RYR2: variants seen among roughly 807,000 people sequenced by gnomAD.
The protein encoded by RYR2 is ryanodine receptor 2.
In RYR2, 227 loss-of-function variants were observed where a neutral mutation model predicts 601.1. The observed-to-expected ratio is 0.38, with a 90% CI of 0.34 to 0.42. RYR2 has a LOEUF of 0.42. Among genes scored for constraint, RYR2 ranks in the 10% least tolerant of loss-of-function variants. RYR2 has a pLI of 1.00. For missense variants in RYR2, 4,646 were observed against 6,156.5 expected, an observed-to-expected ratio of 0.75 and a Z score of 8.21; for synonymous variants, 2,223 against 2,175.1, an observed-to-expected ratio of 1.02 and a Z score of -0.61.
At chr1:237,781,052 A>ACTT (rs1283741131) in intron 88 of RYR2, among the ~76,000 whole-genome samples, 1 of 151,326 alleles carries the variant, frequency 6.6e-6, no homozygotes, top group Non-Finnish European at 1.5e-5. Flanking sequence ...CGGTACAAAT[A>ACTT]CTTTTTTTTT....
chr1:237,734,576 T>A (rs1008014988), intron 79 of RYR2, among the ~76,000 whole-genome samples: 1 of 152,336 alleles, frequency 6.6e-6, no homozygotes, highest in South Asian at 2.1e-4. Flanking sequence ...TGTTGAACCA[T>A]GAGTTGGCCA....
At chr1:237,627,502 C>A (rs536434276) in intron 40 of RYR2, among the ~76,000 whole-genome samples, 2 of 152,206 alleles carry the variant, frequency 1.3e-5, no homozygotes, top group Admixed American at 1.3e-4. Flanking sequence ...AATTGCCATA[C>A]CTTCAATTAC....
rs1209284523 is a variant in RYR2 at position 237,705,254 on chromosome 1, G to A, written c.9491G>A (p.Gly3164Asp). ...ALGECLAAFA[G>D]AFPVAFLETH... ...GGAGAATGTCTAGCTGCCTTTGCTGGTGCTTTTCCTGTAGCATTTTTGGAA... is the reference window on the plus strand; with the variant it reads ...GGAGAATGTCTAGCTGCCTTTGCTGATGCTTTTCCTGTAGCATTTTTGGAA... Residue 3164 changes from glycine (G) to aspartate (D), a missense_variant, in exon 67 of 105, where the codon GGT becomes GAT. Gly to Asp is a moderately conservative substitution (Grantham distance 94, BLOSUM62 -1). This residue lies in a region of RYR2 where 1,497 missense variants were observed against 1,842.6 expected (regional missense o/e 0.81). Transcript: ENST00000366574. 3.7e-6 allele frequency: 6 copies of A among 1,607,178 alleles called. No individual in the cohort carries two copies. Among genetic ancestry groups the A allele is most frequent in the East Asian group, 2.2e-5 (1 of 44,814 alleles).
In RYR2 at chr1:237,833,704, T is replaced by TTTTG. The variant is rs1276669215; in HGVS notation, c.*1060_*1063dup. On this transcript the variant is annotated 3_prime_UTR_variant, in exon 105 of 105. Transcript: ENST00000366574. ...CATTCTTTCAGCCACCTGTGATCAG[T>TTTTG]TTTGTTGATTAAGGACTTCTTGTCA... 5 of 152,676 alleles carry TTTTG rather than the reference T, an allele frequency of 3.3e-5. No individual in the cohort carries two copies. Among genetic ancestry groups the TTTTG allele is most frequent in the South Asian group, 4.1e-4 (2 of 4,824 alleles). The allele number at this position is 152,676 out of a possible 1,614,324, so 9.5% of individuals were successfully genotyped here. A position where few individuals can be genotyped will look rare whatever the true frequency, so the allele number is the denominator to read the frequency against.
chr1:237,165,862 C>T lies in RYR2; in HGVS notation c.49-104635C>T, dbSNP rs115109796. ...AGAAAGTAAAAAAAAATTAGCCAGGCCTGGTGGCTCATGCCTGTAGCCTGT... is the reference window on the plus strand; with the variant it reads ...AGAAAGTAAAAAAAAATTAGCCAGGTCTGGTGGCTCATGCCTGTAGCCTGT... On this transcript the variant is annotated intron_variant, in intron 1 of 104. Transcript: ENST00000366574. Among the ~76,000 whole-genome samples, 907 of 152,092 alleles carry T rather than the reference C, an allele frequency of 6.0e-3. 9 individuals carry two copies. The highest frequency in any genetic ancestry group is 0.032 in the South Asian group (156 of 4,814).
chr1:237,781,585 A>G lies in RYR2; in HGVS notation c.11901A>G (p.Leu3967=). The G allele has an allele frequency of 6.3e-7, 1 of 1,579,754 alleles. No homozygotes were observed. Among genetic ancestry groups the G allele is most frequent in the South Asian group, 1.1e-5 (1 of 87,598 alleles). Residue 3967 remains leucine (L), a synonymous_variant, in exon 89 of 105, where the codon CTA becomes CTG. Transcript: ENST00000366574. The part of the protein sequence containing the change: ...KLSQDSSQIE[L]LKELMDLQKD... The stretch of plus-strand genomic sequence containing the variant: ...TTCAGGATTCCAGTCAAATTGAGCT[A>G]TTAAAAGAATTAATGGATCTGCAGA...
intron 66 of RYR2, 40 bp from the exon 67 acceptor site, chr1:237,705,173 A>G: frequency 6.4e-7 from 1 of 1,574,154 alleles, no homozygotes; most frequent in Non-Finnish European, 8.7e-7. Flanking sequence ...TTAGTTACTC[A>G]CTTGGAAGAC....
At chr1:237,386,417 G>A (rs768272093) in intron 8 of RYR2, among the ~76,000 whole-genome samples, 2 of 152,148 alleles carry the variant, frequency 1.3e-5, no homozygotes, top group Non-Finnish European at 2.9e-5. Flanking sequence ...AGATTTCTGG[G>A]AAATTTCTGG....
chr1:237,368,798 C>CGTTT (rs539636248), intron 5 of RYR2, among the ~76,000 whole-genome samples: 10,900 of 137,824 alleles, frequency 0.079, 462 homozygotes, highest in Middle Eastern at 0.09. Flanking sequence ...GTTGAATCAA[C>CGTTT]GTTTATTTAT....
chr1:237,174,381 G>T (rs923001875), intron 1 of RYR2, among the ~76,000 whole-genome samples: 1 of 152,118 alleles, frequency 6.6e-6, no homozygotes, highest in Non-Finnish European at 1.5e-5. Context: ...ACATGACCTG[G>T]TTTCCTGCTG....
At chr1:237,191,572 C>T (rs149395530) in intron 1 of RYR2, among the ~76,000 whole-genome samples, 61 of 152,170 alleles carry the variant, frequency 4.0e-4, no homozygotes, top group African/African-American at 1.3e-3. Context: ...TCTTTTGCTG[C>T]GGAGGGGCTT....
chr1:237,791,616 T>C, intron 93 of RYR2, 101 bp downstream of exon 93: 1 of 668,978 alleles, frequency 1.5e-6, no homozygotes, highest in Non-Finnish European at 2.6e-6. Context: ...AGTGAACATG[T>C]CTAAACCTAT....
intron 29 of RYR2, among the ~76,000 whole-genome samples, chr1:237,576,607 G>A (rs1338798363): frequency 6.6e-6 from 1 of 152,000 alleles, no homozygotes; most frequent in Non-Finnish European, 1.5e-5. Flanking sequence ...AATGTCAACA[G>A]CAAAACTTTG....
At chr1:237,366,524 C>A (rs537796353) in intron 5 of RYR2, among the ~76,000 whole-genome samples, 26 of 152,022 alleles carry the variant, frequency 1.7e-4, no homozygotes, top group African/African-American at 6.0e-4. Flanking sequence ...GGCTCAGCCT[C>A]CTAGGTAGTT....
chr1:237,492,954 G>A lies in RYR2; in HGVS notation c.1828G>A (p.Val610Ile). 2 of 1,579,338 alleles carry A rather than the reference G, an allele frequency of 1.3e-6. No homozygotes were observed. Among genetic ancestry groups the A allele is most frequent in the Non-Finnish European group, 1.7e-6 (2 of 1,160,024 alleles). Residue 610 changes from valine to isoleucine, a missense_variant and splice_region_variant, in exon 19 of 105, where the codon GTT becomes ATT. Val to Ile is a conservative substitution (Grantham distance 29, BLOSUM62 3). Transcript: ENST00000366574. Reference protein sequence around the residue: ...LLDKHGRNHKVLDVLCSLCVC... With the variant: ...LLDKHGRNHKILDVLCSLCVC... ...AGCTGAAAGTAATTTCTCTTTTCAG[G>A]TTCTGGATGTCTTGTGCTCACTCTG... is the stretch of plus-strand genomic sequence containing the variant.
chr1:237,502,967 G>A (rs1173249808), intron 21 of RYR2, among the ~76,000 whole-genome samples: 2 of 152,104 alleles, frequency 1.3e-5, no homozygotes, highest in African/African-American at 4.8e-5. Context: ...TAAGTGACCA[G>A]TTATTACGGA....
intron 2 of RYR2, among the ~76,000 whole-genome samples, chr1:237,286,450 T>C (rs993512098): frequency 5.9e-5 from 9 of 151,692 alleles, no homozygotes; most frequent in African/African-American, 1.2e-4. Flanking sequence ...ATATGGTCTA[T>C]CTTGGAGAAA....
At chr1:237,633,309 G>T (rs927090896) in intron 42 of RYR2, among the ~76,000 whole-genome samples, 2 of 152,142 alleles carry the variant, frequency 1.3e-5, no homozygotes, top group African/African-American at 4.8e-5. Flanking sequence ...AAATGAATCT[G>T]CCTTTCACCT....
At position 237,186,076 on chromosome 1, in the gene RYR2, G is replaced by A. The variant is rs118174323; in HGVS notation, c.49-84421G>A. 8.7e-4 allele frequency among the ~76,000 whole-genome samples: 133 copies of A among 152,352 alleles called. 2 individuals are homozygous for A. In the East Asian group the frequency reaches 0.019, roughly 21 times the overall value. On this transcript the variant is annotated intron_variant, in intron 1 of 104. Transcript: ENST00000366574. ...GCTCTCATGGGTCTACAACCTGGGA[G>A]CTGATTTTTCCCTTGAAACCTAAAG...
Sources: gnomAD v4.1 joint callset for allele counts (sites outside exome capture counted in the v4.1 genomes callset) on GRCh38, gnomAD v4.1.1 for gene constraint, gnomAD v4.1.1 regional missense constraint, MANE v1.5 for transcripts, NCBI Gene and HGNC (gene_info 2026-07-23, HGNC 2026-07-21) for gene names.